PHF24: variants seen among roughly 807,000 people sequenced by gnomAD.
PHF24 encodes PHD finger protein 24.
A neutral mutation model predicts 42.6 loss-of-function variants in PHF24; 25 were observed. That is an observed-to-expected ratio of 0.59 (90% CI 0.43 to 0.82). The LOEUF (loss-of-function observed/expected upper bound fraction) is 0.82, where lower values mean the gene tolerates loss of function less well. PHF24 is among the 40% of genes least tolerant of loss of function. The probability of loss-of-function intolerance (pLI) is 0.00; values close to 1 mark genes in which losing one functional copy is unlikely to be tolerated. For synonymous variants in PHF24, 185 were observed against 204.8 expected (o/e 0.90, Z 0.83); for missense variants, 470 against 538.1 (o/e 0.87, Z 1.25).
the PHF24 span, among the ~76,000 whole-genome samples, chr9:34,779,270 TAAA>T: frequency 6.6e-6 from 1 of 151,228 alleles, no homozygotes; most frequent in Non-Finnish European, 1.5e-5. Context: ...AAAGAGAAAA[TAAA>T]AGAATAGAGA....
the PHF24 span, among the ~76,000 whole-genome samples, chr9:34,720,967 C>T: frequency 6.6e-6 from 1 of 152,166 alleles, no homozygotes; most frequent in Admixed American, 6.5e-5. Flanking sequence ...CCATACGGTT[C>T]CCCCTTCCCA....
At chr9:34,835,630 C>G in the PHF24 span, 1 of 1,551,638 alleles carries the variant, frequency 6.4e-7, no homozygotes, top group Non-Finnish European at 8.7e-7. Context: ...CTTGTCAAGC[C>G]TTGAAGAAGC....
At chr9:34,978,475 C>A (rs1183264999) in exon 8 of PHF24, 1 of 227,356 alleles carries the variant, frequency 4.4e-6, no homozygotes, top group Non-Finnish European at 8.8e-6. Context: ...CTTTGTGAAG[C>A]CCCTGGTATA....
the PHF24 span, among the ~76,000 whole-genome samples, chr9:34,755,241 T>C: frequency 3.3e-5 from 5 of 152,214 alleles, no homozygotes; most frequent in African/African-American, 4.8e-5. Context: ...GGATAAATGC[T>C]TGAAGTGATG....
the PHF24 span, among the ~76,000 whole-genome samples, chr9:34,924,480 T>C: frequency 3.3e-5 from 5 of 152,318 alleles, no homozygotes; most frequent in East Asian, 9.6e-4. Context: ...CATTAATACT[T>C]GTTACATACC....
At chr9:34,808,328 G>A in the PHF24 span, among the ~76,000 whole-genome samples, 1 of 152,146 alleles carries the variant, frequency 6.6e-6, no homozygotes, top group African/African-American at 2.4e-5. Flanking sequence ...CTGGGTGGGT[G>A]GCTCATGCCT....
At chr9:34,864,129 A>G in the PHF24 span, among the ~76,000 whole-genome samples, 1 of 152,236 alleles carries the variant, frequency 6.6e-6, no homozygotes, top group Admixed American at 6.5e-5. Context: ...AATAAAAAGC[A>G]ATAAAGCACA....
the PHF24 span, among the ~76,000 whole-genome samples, chr9:34,890,441 A>G: frequency 6.6e-6 from 1 of 152,332 alleles, no homozygotes; most frequent in East Asian, 1.9e-4. Flanking sequence ...AACACAAAGT[A>G]CCTGGGCCTC....
At chr9:34,830,435 T>C in the PHF24 span, among the ~76,000 whole-genome samples, 78,576 of 152,074 alleles carry the variant, frequency 0.52, 21,980 homozygotes, top group Non-Finnish European at 0.63. Context: ...TGAGCTATGC[T>C]GTTCTGCCAT....
chr9:34,846,077 T>C, the PHF24 span, among the ~76,000 whole-genome samples: 3 of 152,126 alleles, frequency 2.0e-5, no homozygotes, highest in African/African-American at 7.2e-5. Flanking sequence ...CATGTGTCTT[T>C]ATAGCAGCAT....
At chr9:34,912,105 A>G in the PHF24 span, among the ~76,000 whole-genome samples, 1 of 152,174 alleles carries the variant, frequency 6.6e-6, no homozygotes, top group Admixed American at 6.5e-5. Flanking sequence ...AACCATGCCC[A>G]AGACCAGCCC....
At chr9:34,902,578 T>G in the PHF24 span, among the ~76,000 whole-genome samples, 5 of 151,994 alleles carry the variant, frequency 3.3e-5, no homozygotes, top group African/African-American at 1.2e-4. Context: ...CTTTTGAAAC[T>G]GGGAGGTCAA....
At chr9:34,757,474 A>G in the PHF24 span, among the ~76,000 whole-genome samples, 1 of 152,164 alleles carries the variant, frequency 6.6e-6, no homozygotes, top group South Asian at 2.1e-4. Context: ...GCAAACAGGG[A>G]TAATCTCCTT....
At chr9:34,978,107 G>A in exon 8 of PHF24, 1 of 1,612,884 alleles carries the variant, frequency 6.2e-7, no homozygotes, top group Middle Eastern at 1.7e-4. Flanking sequence ...AAGCCCCCAG[G>A]ATAGCATGGA....
chr9:34,929,519 A>G, the PHF24 span, among the ~76,000 whole-genome samples: 1 of 152,216 alleles, frequency 6.6e-6, no homozygotes, highest in Non-Finnish European at 1.5e-5. Context: ...TGTGGGGAAA[A>G]AAATGAAGGG....
chr9:34,717,384 C>T, the PHF24 span, among the ~76,000 whole-genome samples: 3 of 152,200 alleles, frequency 2.0e-5, no homozygotes, highest in South Asian at 2.1e-4. Flanking sequence ...CCGAGGATAA[C>T]GTGGACTAAG....
chr9:34,892,976 G>A, the PHF24 span: 2 of 717,890 alleles, frequency 2.8e-6, no homozygotes, highest in Non-Finnish European at 4.9e-6. Flanking sequence ...ACTAGATGTG[G>A]ACAAAGCCTC....
the PHF24 span, among the ~76,000 whole-genome samples, chr9:34,742,282 G>T: frequency 6.6e-6 from 1 of 152,206 alleles, no homozygotes; most frequent in Non-Finnish European, 1.5e-5. Context: ...CTCCCAAAGA[G>T]GTCCCCTCAC....
At chr9:34,981,047 C>T (rs904372840) in exon 8 of PHF24, 2 of 152,406 alleles carry the variant, frequency 1.3e-5, no homozygotes, top group Non-Finnish European at 2.9e-5. Flanking sequence ...CCTTCCCCAA[C>T]AGAACACTTG....
Sources: gnomAD v4.1 joint callset for allele counts (sites outside exome capture counted in the v4.1 genomes callset) on GRCh38, gnomAD v4.1.1 for gene constraint, MANE v1.5 for transcripts, NCBI Gene and HGNC (gene_info 2026-07-23, HGNC 2026-07-21) for gene names.